NKPD1: variants seen among roughly 807,000 people sequenced by gnomAD.
NKPD1 encodes NTPase KAP family P-loop domain-containing protein 1.
NKPD1 carries 37 observed loss-of-function variants against 42.2 expected under a neutral mutation model. The ratio of observed to expected loss-of-function variants is 0.88; its 90% CI spans 0.67 to 1.15. The LOEUF (loss-of-function observed/expected upper bound fraction) is 1.15, where lower values mean the gene tolerates loss of function less well. Ranked by LOEUF, NKPD1 falls within the 50% of genes most tolerant of loss-of-function variation. NKPD1 has a pLI of 0.00. For missense variants in NKPD1, 1,113 were observed against 1,174.6 expected (o/e 0.95, Z 0.77); for synonymous variants, 552 against 536.5 (o/e 1.03, Z -0.40).
Position 45,151,997 on chromosome 19 carries a change from G to A in NKPD1, c.2440C>T (p.Leu814=), listed in dbSNP as rs1315074480. ...HTGDLAHRGK[L]WPVACALFRP... ...AAGAGCGCACAGGCCACCGGCCATA[G>A]CTTGCCCCTGTGGGCCAAGTCCCCA... The change falls in exon 5 of 5, where the codon CTA becomes TTA. Residue 814 remains leucine (L), a synonymous_variant. Transcript: ENST00000686631. The A allele has an allele frequency of 1.2e-6, 2 of 1,609,572 alleles. No individual in the cohort carries two copies. Among genetic ancestry groups the A allele is most frequent in the Non-Finnish European group, 1.7e-6 (2 of 1,178,010 alleles).
At position 45,157,719 on chromosome 19, in the gene NKPD1, C is replaced by CTTTTT. The variant is rs34991759; in HGVS notation, c.529+939_529+943dup. 5.3e-3 allele frequency among the ~76,000 whole-genome samples: 440 copies of CTTTTT among 83,304 alleles called. 17 individuals carry two copies. The highest frequency in any genetic ancestry group is 8.5e-3 in the Non-Finnish European group (379 of 44,342). 54.7% of individuals were successfully genotyped at this position (83,304 alleles called of 152,430 possible). On this transcript the variant is annotated intron_variant, in intron 3 of 4. Coordinates refer to ENST00000686631, the MANE Select transcript of NKPD1 (RefSeq NM_198478.4). ...GCATGAGCCAGTGCGCCCAGACATA[C>CTTTTT]TTTTTTTTTTTTTTTTTTTTTTTGA...
At chr19:45,161,440 T>C (rs1267465793), upstream of NKPD1, among the ~76,000 whole-genome samples, 1 of 152,156 alleles carries the variant, frequency 6.6e-6, no homozygotes, top group East Asian at 1.9e-4. Context: ...CTGGCGCTGT[T>C]CTAAATGGAT....
rs1371091592 is a variant in NKPD1, at chr19:45,153,308, G to A, written c.1129C>T (p.Leu377Phe). The change falls in exon 5 of 5, where the codon CTC becomes TTC. Residue 377 changes from leucine to phenylalanine, a missense_variant. Coordinates refer to ENST00000686631, the MANE Select transcript of NKPD1 (RefSeq NM_198478.4). ...LGHGSPSGSLLKVFGGAATTL... is the reference protein window; with the variant it reads ...LGHGSPSGSLFKVFGGAATTL... ...GTGGCCGCGCCGCCAAACACCTTGA[G>A]CAGGCTGCCGCTCGGGCTGCCGTGG... The A allele has an allele frequency of 1.2e-5, 19 of 1,578,232 alleles. No homozygotes were observed. Among genetic ancestry groups the A allele is most frequent in the Non-Finnish European group, 1.6e-5 (19 of 1,163,268 alleles).
At position 45,152,462 on chromosome 19, in the gene NKPD1, G is replaced by T. The variant is rs776502583; in HGVS notation, c.1975C>A (p.Leu659Ile). 1 of 1,555,280 alleles carries T rather than the reference G, an allele frequency of 6.4e-7. No homozygotes were observed. The highest frequency in any genetic ancestry group is 1.9e-5 in the Admixed American group (1 of 53,350). Residue 659 changes from leucine (L) to isoleucine (I), a missense_variant, in exon 5 of 5, where the codon CTC (leucine) becomes ATC (isoleucine). This residue lies in a region of NKPD1 where 867 missense variants were observed against 870.1 expected (regional missense o/e 1.00). Coordinates refer to ENST00000686631, the MANE Select transcript of NKPD1 (RefSeq NM_198478.4). Reference protein sequence around the residue: ...TPRQAVAWVVLANQWPCRLSW... With the variant: ...TPRQAVAWVVIANQWPCRLSW... ...AGGCGGCACGGCCACTGGTTGGCGAGCACCACCCACGCCACCGCCTGGCGC... is the reference window on the plus strand; with the variant it reads ...AGGCGGCACGGCCACTGGTTGGCGATCACCACCCACGCCACCGCCTGGCGC...
Position 45,158,605 on chromosome 19 carries a change from G to A in NKPD1, c.529+58C>T. ...GCTAGGCAGGGAGCAAGGAGAGCAG[G>A]TGGGAAGTGAGGCGGCAGGAGTGGG... On this transcript the variant is annotated intron_variant, in intron 3 of 4. Transcript: ENST00000686631. The surrounding 1 kb of genome is among the most constrained non-coding windows in gnomAD (Gnocchi z 4.6). The A allele has an allele frequency of 8.7e-7, 1 of 1,148,428 alleles. No homozygotes were observed. Among genetic ancestry groups the A allele is most frequent in the Non-Finnish European group, 1.1e-6 (1 of 923,932 alleles). The allele number at this position is 1,148,428 out of a possible 1,614,324, so 71.1% of individuals were successfully genotyped here.
Position 45,152,517 on chromosome 19 carries a change from C to T in NKPD1, c.1920G>A (p.Gln640=). 2 of 1,571,860 alleles carry T rather than the reference C, an allele frequency of 1.3e-6. No individual in the cohort carries two copies. The highest frequency in any genetic ancestry group is 1.7e-6 in the Non-Finnish European group (2 of 1,168,180). The change falls in exon 5 of 5, where the codon CAG becomes CAA. Residue 640 remains glutamine (Q), a synonymous_variant. Coordinates refer to ENST00000686631, the MANE Select transcript of NKPD1 (RefSeq NM_198478.4). ...PITVRLLQQQ[Q]QQGDFGGPTP... ...TGGGGCCCCCAAAGTCCCCCTGCTG[C>T]TGCTGCTGCTGCAGCAGGCGCACGG... is the stretch of plus-strand genomic sequence containing the variant.
Position 45,160,230 on chromosome 19 carries a change from C to A in NKPD1, c.-71-9G>T, listed in dbSNP as rs1046527756. 3 of 856,818 alleles carry A rather than the reference C, an allele frequency of 3.5e-6. No homozygotes were observed. The highest frequency in any genetic ancestry group is 5.0e-6 in the Non-Finnish European group (3 of 595,080). 53.1% of individuals were successfully genotyped at this position (856,818 alleles called of 1,614,324 possible). On this transcript the variant is annotated splice_polypyrimidine_tract_variant and intron_variant, in intron 1 of 4. Transcript: ENST00000686631. ...CAGGCTTGGCGTAGCCTCTGGGGCA[C>A]GAACAGCAGAGAGCTGAGGTCAGGG...
intron 4 of NKPD1, among the ~76,000 whole-genome samples, chr19:45,154,286 G>C (rs1005827420): frequency 2.6e-5 from 4 of 152,164 alleles, no homozygotes; most frequent in African/African-American, 9.7e-5. Flanking sequence ...TGATCCCCAG[G>C]CTGGGTCGGG....
rs1968936119 is a variant in NKPD1, at chr19:45,158,008, A to G, written c.529+655T>C. Among the ~76,000 whole-genome samples the G allele has an allele frequency of 6.6e-6, 1 of 152,164 alleles. No homozygotes were observed. The highest frequency in any genetic ancestry group is 2.1e-4 in the South Asian group (1 of 4,830). ...CCAAAGTGCTGGGATTACAGGCATGAGCCACTGCACCTGGCCTCCCAGCCA... is the reference window on the plus strand; with the variant it reads ...CCAAAGTGCTGGGATTACAGGCATGGGCCACTGCACCTGGCCTCCCAGCCA... On this transcript the variant is annotated intron_variant, in intron 3 of 4. Transcript: ENST00000686631. The surrounding 1 kb of genome is among the most constrained non-coding windows in gnomAD (Gnocchi z 4.6).
chr19:45,162,322 A>G (rs1382541181), upstream of NKPD1, among the ~76,000 whole-genome samples: 1 of 152,172 alleles, frequency 6.6e-6, no homozygotes, highest in Non-Finnish European at 1.5e-5. Context: ...TGACCCAGGC[A>G]GGGCCTGACG....
At chr19:45,160,004 C>A (rs747127867) in intron 2 of NKPD1, 56 bp downstream of exon 2, 626 of 1,035,090 alleles carry the variant, frequency 6.0e-4, no homozygotes, top group Non-Finnish European at 7.6e-4. Context: ...TCCATTCACT[C>A]TGGCTTCCTC....
chr19:45,152,866 G>C lies in NKPD1; in HGVS notation c.1571C>G (p.Thr524Arg). 2.5e-6 allele frequency: 4 copies of C among 1,589,264 alleles called. No homozygotes were observed. Among genetic ancestry groups the C allele is most frequent in the Non-Finnish European group, 3.4e-6 (4 of 1,164,836 alleles). The change falls in exon 5 of 5, where the codon ACG becomes AGG. Residue 524 changes from threonine to arginine, a missense_variant. Physicochemically the swap from Thr to Arg is moderately conservative, Grantham distance 71 (BLOSUM62 -1). This residue lies in a region of NKPD1 where 867 missense variants were observed against 870.1 expected (regional missense o/e 1.00). Transcript: ENST00000686631. ...CATAATGGGCACAGAGAAGGGCAGC[G>C]TGACAGTGCGGTTGAGGAAGAGGTA... The part of the protein sequence containing the change: ...NGYLFLNRTV[T>R]LPFSVPIMGR...
intron 3 of NKPD1, among the ~76,000 whole-genome samples, chr19:45,156,785 GC>G (rs1462186723): frequency 7.9e-5 from 12 of 152,328 alleles, no homozygotes; most frequent in African/African-American, 2.6e-4. Context: ...GCTTTGTGGT[GC>G]ACAGTGGGGG....
rs769998673 is a variant in NKPD1, at chr19:45,152,440, C to G, written c.1997G>C (p.Arg666Pro). ...CAGGCACTGCAGCGCCCAGCTCAGG[C>G]GGCACGGCCACTGGTTGGCGAGCAC... ...WVVLANQWPC[R>P]LSWALQCLED... Residue 666 changes from arginine (R) to proline (P), a missense_variant, in exon 5 of 5, where the codon CGC (arginine) becomes CCC (proline). Physicochemically the swap from Arg to Pro is moderately radical, Grantham distance 103. Coordinates refer to ENST00000686631, the MANE Select transcript of NKPD1 (RefSeq NM_198478.4). The G allele has an allele frequency of 6.4e-7, 1 of 1,559,520 alleles. No individual in the cohort carries two copies. The highest frequency in any genetic ancestry group is 8.6e-7 in the Non-Finnish European group (1 of 1,156,512).
chr19:45,151,732 CCTT>C lies in NKPD1; in HGVS notation c.*203_*205del, dbSNP rs1371775042. On this transcript the variant is annotated 3_prime_UTR_variant, in exon 5 of 5. Coordinates refer to ENST00000686631, the MANE Select transcript of NKPD1 (RefSeq NM_198478.4). ...TGTATACCCTGACTTCCTCACTGGT[CCTT>C]CTGTGCCTGCTCTCATGCTGGCACC... 4 of 511,542 alleles carry C rather than the reference CCTT, an allele frequency of 7.8e-6. No individual in the cohort carries two copies. Among genetic ancestry groups the C allele is most frequent in the Non-Finnish European group, 1.4e-5 (4 of 296,192 alleles). 31.7% of individuals were successfully genotyped at this position (511,542 alleles called of 1,614,324 possible).
In NKPD1 at chr19:45,151,922, C is replaced by T; in HGVS notation, c.*16G>A. On this transcript the variant is annotated 3_prime_UTR_variant, in exon 5 of 5. Coordinates refer to ENST00000686631, the MANE Select transcript of NKPD1 (RefSeq NM_198478.4). The stretch of plus-strand genomic sequence containing the variant: ...TGGAGGAACCCTTGCCTCCTGCTGC[C>T]CGCCAAGTCCTCCATTTAAGGCCCA... 1 of 1,526,566 alleles carries T rather than the reference C, an allele frequency of 6.6e-7. No homozygotes were observed. 94.6% of individuals were successfully genotyped at this position (1,526,566 alleles called of 1,614,324 possible). A position where few individuals can be genotyped will look rare whatever the true frequency, so the allele number is the denominator to read the frequency against.
chr19:45,158,655 G>A lies in NKPD1; in HGVS notation c.529+8C>T. 1 of 1,163,842 alleles carries A rather than the reference G, an allele frequency of 8.6e-7. No homozygotes were observed. The highest frequency in any genetic ancestry group is 1.6e-5 in the South Asian group (1 of 60,998). The allele number at this position is 1,163,842 out of a possible 1,614,324, so 72.1% of individuals were successfully genotyped here. On this transcript the variant is annotated splice_region_variant and intron_variant, in intron 3 of 4. Transcript: ENST00000686631. This position sits in a 1 kb window ranked among gnomAD's most constrained non-coding sequence, Gnocchi z 4.6. ...GGACAGGGCCCCCAAGAAGGCCAGG[G>A]TGAGCACCGGAGCTGTAGGCAGTGA... is the stretch of plus-strand genomic sequence containing the variant.
chr19:45,153,935 C>G (rs1190283532), intron 4 of NKPD1, 160 bp from the exon 5 acceptor site: 4 of 704,904 alleles, frequency 5.7e-6, no homozygotes, highest in Admixed American at 4.1e-5. Flanking sequence ...AGCTGGAAGC[C>G]GGTGCAGAAG....
At chr19:45,157,295 G>C (rs549010116) in intron 3 of NKPD1, among the ~76,000 whole-genome samples, 1 of 152,290 alleles carries the variant, frequency 6.6e-6, no homozygotes, top group Non-Finnish European at 1.5e-5. Context: ...GCCTCCTCAG[G>C]GTCTCTGCTC....
Sources: gnomAD v4.1 joint callset for allele counts (sites outside exome capture counted in the v4.1 genomes callset) on GRCh38, gnomAD v4.1.1 for gene constraint, gnomAD v4.1.1 regional missense constraint, Gnocchi (gnomAD v3.1) non-coding constraint, MANE v1.5 for transcripts, NCBI Gene and HGNC (gene_info 2026-07-23, HGNC 2026-07-21) for gene names.